Variants in LAMC1 observed in about 807,000 individuals in gnomAD.
LAMC1 encodes the protein laminin subunit gamma-1.
In LAMC1, 38 loss-of-function variants were observed where a neutral mutation model predicts 173.6. The ratio of observed to expected loss-of-function variants is 0.22; its 90% CI spans 0.17 to 0.29. The LOEUF (loss-of-function observed/expected upper bound fraction) is 0.29, where lower values mean the gene tolerates loss of function less well. LAMC1 is among the 10% of genes least tolerant of loss of function. The pLI is 1.00. For missense variants in LAMC1, 1,824 were observed against 2,051.8 expected (o/e 0.89, Z 2.14); for synonymous variants, 746 against 749.1 (o/e 1.00, Z 0.07).
At chr1:183,071,086 G>GTTTTTTTTTT (rs1423165417) in intron 1 of LAMC1, among the ~76,000 whole-genome samples, 2 of 146,064 alleles carry the variant, frequency 1.4e-5, no homozygotes, top group African/African-American at 5.1e-5. Context: ...GGTTTTTTTT[G>GTTTTTTTTTT]TTTTTGTTTT....
chr1:183,106,756 G>A (rs1357095125), intron 2 of LAMC1, among the ~76,000 whole-genome samples: 3 of 152,178 alleles, frequency 2.0e-5, no homozygotes, highest in African/African-American at 7.2e-5. Flanking sequence ...TCACCTGACA[G>A]GTCAGCTGGG....
intron 1 of LAMC1, among the ~76,000 whole-genome samples, chr1:183,074,109 T>C (rs1214708747): frequency 6.6e-6 from 1 of 152,228 alleles, no homozygotes; most frequent in Non-Finnish European, 1.5e-5. Flanking sequence ...ATTTTTCTGT[T>C]CTAAAAAAAT....
intron 6 of LAMC1, among the ~76,000 whole-genome samples, chr1:183,116,127 C>T (rs1366930978): frequency 1.2e-4 from 12 of 104,086 alleles, no homozygotes; most frequent in Admixed American, 1.0e-3. Context: ...GAGACTCTGT[C>T]TCAAAAAAAA....
rs533041907 is a variant in LAMC1 at position 183,030,585 on chromosome 1, C to T, written c.418+6451C>T. Among the ~76,000 whole-genome samples, 19 of 152,190 alleles carry T rather than the reference C, an allele frequency of 1.2e-4. No homozygotes were observed. The South Asian group carries it at 3.9e-3, about 32-fold the overall frequency. On this transcript the variant is annotated intron_variant, in intron 1 of 27. Transcript: ENST00000258341. Reference sequence around the variant, plus strand: ...TCTCCATTTTATAAGATATATGTCACTGTAATAGCTAATATTAAATGTAGT... The same window carrying T: ...TCTCCATTTTATAAGATATATGTCATTGTAATAGCTAATATTAAATGTAGT...
In LAMC1 at chr1:183,040,526, AG is replaced by A. The variant is rs755885789; in HGVS notation, c.418+16395del. Among the ~76,000 whole-genome samples the A allele has an allele frequency of 7.2e-5, 11 of 152,322 alleles. No homozygotes were observed. The East Asian group carries it at 1.2e-3, about 16-fold the overall frequency. ...GAACTTGTTCCATTTTTTAAAAATC[AG>A]GGTATTAAATCTTCGTAAAATAGAA... On this transcript the variant is annotated intron_variant, in intron 1 of 27. Transcript: ENST00000258341.
At chr1:183,039,997 T>A (rs1654083466) in intron 1 of LAMC1, among the ~76,000 whole-genome samples, 1 of 152,244 alleles carries the variant, frequency 6.6e-6, no homozygotes, top group African/African-American at 2.4e-5. Context: ...GAGGCTGCTT[T>A]GTTCCCTCGA....
chr1:183,101,893 T>A (rs536602246), intron 1 of LAMC1, among the ~76,000 whole-genome samples: 37 of 152,326 alleles, frequency 2.4e-4, no homozygotes, highest in Middle Eastern at 3.4e-3. Context: ...AATAGTCGGA[T>A]ATTGCTCATC....
intron 11 of LAMC1, among the ~76,000 whole-genome samples, chr1:183,121,011 A>T: frequency 6.6e-6 from 1 of 150,820 alleles, no homozygotes; most frequent in African/African-American, 2.4e-5. Flanking sequence ...TTCCCCCCAC[A>T]CTCTTGTTCA....
chr1:183,121,508 C>T (rs868643236), intron 11 of LAMC1, among the ~76,000 whole-genome samples: 2 of 144,724 alleles, frequency 1.4e-5, no homozygotes, highest in South Asian at 2.1e-4. Flanking sequence ...AGATACTTAG[C>T]ACTCAGTACC....
At chr1:183,108,058 AC>A (rs1318129568) in intron 2 of LAMC1, among the ~76,000 whole-genome samples, 1 of 152,022 alleles carries the variant, frequency 6.6e-6, no homozygotes, top group Non-Finnish European at 1.5e-5. Context: ...GTTTTTGGAG[AC>A]TCCGAGTAGT....
chr1:183,037,373 A>G (rs545698796), intron 1 of LAMC1, among the ~76,000 whole-genome samples: 1 of 152,168 alleles, frequency 6.6e-6, no homozygotes, highest in Non-Finnish European at 1.5e-5. Flanking sequence ...TTTATCTGAC[A>G]TTATTAAAGA....
At chr1:183,045,239 A>G (rs2102018466) in intron 1 of LAMC1, among the ~76,000 whole-genome samples, 1 of 152,138 alleles carries the variant, frequency 6.6e-6, no homozygotes, top group Admixed American at 6.5e-5. Flanking sequence ...TATGCAGCCA[A>G]GTATTCTGTT....
rs188489949 is a variant in LAMC1, at chr1:183,043,380, G to T, written c.418+19246G>T. 1.4e-3 allele frequency among the ~76,000 whole-genome samples: 217 copies of T among 152,232 alleles called. 1 individual carries two copies. Among genetic ancestry groups the T allele is most frequent in the African/African-American group, 5.1e-3 (212 of 41,550 alleles). ...TGCTGTTTAGGGCTTTTTGAATTGAGAATCACAGATGAAGGATTATGGACT... is the reference window on the plus strand; with the variant it reads ...TGCTGTTTAGGGCTTTTTGAATTGATAATCACAGATGAAGGATTATGGACT... On this transcript the variant is annotated intron_variant, in intron 1 of 27. Transcript: ENST00000258341.
chr1:183,024,924 A>G (rs1411052921), intron 1 of LAMC1, among the ~76,000 whole-genome samples: 3 of 152,256 alleles, frequency 2.0e-5, no homozygotes, highest in Non-Finnish European at 2.9e-5. Context: ...ACTTCATGGC[A>G]GGGCAGTGGA....
intron 8 of LAMC1, 46 bp downstream of exon 8, chr1:183,116,949 A>G: frequency 6.5e-7 from 1 of 1,542,718 alleles, no homozygotes; most frequent in East Asian, 2.3e-5. Context: ...GTGAGATTAC[A>G]CTTAAAATAT....
chr1:183,045,648 A>G (rs1654248666), intron 1 of LAMC1, among the ~76,000 whole-genome samples: 1 of 152,052 alleles, frequency 6.6e-6, no homozygotes, highest in Non-Finnish European at 1.5e-5. Context: ...ATTCTCACAC[A>G]TGTCTCCTGA....
At chr1:183,138,152 A>G in intron 26 of LAMC1, 1 of 788,806 alleles carries the variant, frequency 1.3e-6, no homozygotes, top group Non-Finnish European at 1.5e-6. Flanking sequence ...AAAGGAATGC[A>G]ATGAAGTTAA....
Position 183,136,463 on chromosome 1 carries a change from A to G in LAMC1, c.4192A>G (p.Ile1398Val). 6.2e-7 allele frequency: 1 copy of G among 1,614,240 alleles called. No homozygotes were observed. Among genetic ancestry groups the G allele is most frequent in the Non-Finnish European group, 8.5e-7 (1 of 1,180,038 alleles). ...GAAGATTCCTGCCATCAACCAGACC[A>G]TCACTGAAGCCAATGAAAAGACCAG... Reference protein sequence around the residue: ...LRKIPAINQTITEANEKTREA... With the variant: ...LRKIPAINQTVTEANEKTREA... Residue 1398 changes from isoleucine (I) to valine (V), a missense_variant, in exon 25 of 28, where the codon ATC (isoleucine) becomes GTC (valine). Ile to Val is a conservative substitution (Grantham distance 29). Coordinates refer to ENST00000258341, the MANE Select transcript of LAMC1 (RefSeq NM_002293.4).
intron 1 of LAMC1, among the ~76,000 whole-genome samples, chr1:183,075,199 C>T (rs1450514250): frequency 2.0e-5 from 3 of 151,182 alleles, no homozygotes; most frequent in African/African-American, 7.3e-5. Flanking sequence ...GATCACAGCC[C>T]ACTGCAGCCT....
Sources: gnomAD v4.1 joint callset for allele counts (sites outside exome capture counted in the v4.1 genomes callset) on GRCh38, gnomAD v4.1.1 for gene constraint, MANE v1.5 for transcripts, NCBI Gene and HGNC (gene_info 2026-07-23, HGNC 2026-07-21) for gene names.